UBE3D: variants seen among roughly 807,000 people sequenced by gnomAD.
UBE3D encodes the protein ubiquitin protein ligase E3D.
UBE3D carries 48 observed loss-of-function variants against 49.6 expected under a neutral mutation model. That is an observed-to-expected ratio of 0.97 (90% confidence interval 0.77 to 1.23). The LOEUF is 1.23. UBE3D is among the 50% of genes most tolerant of loss of function. The probability of loss-of-function intolerance (pLI) is 0.00; values close to 1 mark genes in which losing one functional copy is unlikely to be tolerated. For synonymous variants in UBE3D, 189 were observed against 174.2 expected, an observed-to-expected ratio of 1.08 and a Z score of -0.67; for missense variants, 452 against 468.4, an observed-to-expected ratio of 0.96 and a Z score of 0.32.
the UBE3D span, among the ~76,000 whole-genome samples, chr6:82,884,746 A>G: frequency 1.3e-5 from 2 of 152,236 alleles, no homozygotes; most frequent in African/African-American, 4.8e-5. Context: ...ATCCCACAGC[A>G]TAATTCTGAG....
chr6:83,043,306 A>T (rs1425759554), intron 4 of UBE3D, among the ~76,000 whole-genome samples: 1 of 152,010 alleles, frequency 6.6e-6, no homozygotes, highest in Admixed American at 6.6e-5. Context: ...ATGAAATTTA[A>T]AACACATATA....
At chr6:82,927,712 G>A (rs1227323066) in intron 9 of UBE3D, among the ~76,000 whole-genome samples, 2 of 149,288 alleles carry the variant, frequency 1.3e-5, no homozygotes, top group Non-Finnish European at 3.0e-5. Flanking sequence ...TATTAACTTT[G>A]TATCCTACAA....
At chr6:82,969,060 A>G (rs902374275) in intron 8 of UBE3D, among the ~76,000 whole-genome samples, 22 of 152,286 alleles carry the variant, frequency 1.4e-4, no homozygotes, top group African/African-American at 5.3e-4. Flanking sequence ...GTCATTGATT[A>G]ACGCTTTCTT....
intron 9 of UBE3D, among the ~76,000 whole-genome samples, chr6:82,898,326 G>A (rs1771480402): frequency 6.6e-6 from 1 of 152,108 alleles, no homozygotes; most frequent in Admixed American, 6.5e-5. Flanking sequence ...TCCCATTACT[G>A]GGTATATACC....
intron 8 of UBE3D, among the ~76,000 whole-genome samples, chr6:83,010,139 T>G (rs960466496): frequency 6.6e-6 from 1 of 152,012 alleles, no homozygotes; most frequent in East Asian, 1.9e-4. Flanking sequence ...ACTAATTAAA[T>G]CTAAATATTG....
intron 8 of UBE3D, among the ~76,000 whole-genome samples, chr6:82,995,253 T>C (rs558605604): frequency 1.4e-4 from 21 of 152,180 alleles, no homozygotes; most frequent in Non-Finnish European, 2.9e-4. Context: ...TTAACAGGTG[T>C]GTTCATTTGA....
At position 83,038,401 on chromosome 6, in the gene UBE3D, T is replaced by C; in HGVS notation, c.667+15A>G. 6.2e-7 allele frequency: 1 copy of C among 1,607,050 alleles called. No individual in the cohort carries two copies. The highest frequency in any genetic ancestry group is 8.5e-7 in the Non-Finnish European group (1 of 1,177,274). ...AGAAGCCAATCATTTTGGCTTCTTG[T>C]TATGAAATTCTTACCTGATGACACG... is the stretch of plus-strand genomic sequence containing the variant. On this transcript the variant is annotated intron_variant, in intron 5 of 9. Coordinates refer to ENST00000369747, the MANE Select transcript of UBE3D (RefSeq NM_198920.3).
intron 9 of UBE3D, among the ~76,000 whole-genome samples, chr6:82,920,691 C>A (rs1268492497): frequency 6.6e-6 from 1 of 152,164 alleles, no homozygotes; most frequent in Non-Finnish European, 1.5e-5. Flanking sequence ...TATTAAGAAT[C>A]AACCCAAAAT....
chr6:82,931,197 C>G (rs989612954), intron 9 of UBE3D, among the ~76,000 whole-genome samples: 1 of 152,202 alleles, frequency 6.6e-6, no homozygotes, highest in African/African-American at 2.4e-5. Flanking sequence ...CTGAACTTTG[C>G]GAACCTCTGC....
chr6:83,044,404 A>G, intron 4 of UBE3D, 24 bp downstream of exon 4: 2 of 1,607,062 alleles, frequency 1.2e-6, no homozygotes, highest in Non-Finnish European at 1.7e-6. Context: ...CTAAATTACC[A>G]TTTATTTTGA....
chr6:82,995,610 A>T (rs1305520865), intron 8 of UBE3D, among the ~76,000 whole-genome samples: 2 of 152,148 alleles, frequency 1.3e-5, no homozygotes, highest in Non-Finnish European at 2.9e-5. Context: ...ATGTTCAACC[A>T]CACTAGTAAT....
intron 9 of UBE3D, among the ~76,000 whole-genome samples, 158 bp from the exon 10 acceptor site, chr6:82,893,200 C>T (rs41271561): frequency 1.3e-5 from 2 of 152,128 alleles, no homozygotes; most frequent in Admixed American, 6.5e-5. Flanking sequence ...TTTTATTTTA[C>T]AGCAGGAGCC....
At chr6:82,918,177 G>C (rs1582337593) in intron 9 of UBE3D, among the ~76,000 whole-genome samples, 2 of 151,402 alleles carry the variant, frequency 1.3e-5, no homozygotes, top group African/African-American at 4.9e-5. Flanking sequence ...TCAGTTTTTG[G>C]GAATAGTTGT....
chr6:83,020,560 A>T (rs1367102506), intron 7 of UBE3D, among the ~76,000 whole-genome samples: 3 of 152,188 alleles, frequency 2.0e-5, no homozygotes, highest in Non-Finnish European at 4.4e-5. Context: ...AAAAAGAAAA[A>T]TCTAAATATA....
At chr6:83,043,812 T>C (rs1309296845) in intron 4 of UBE3D, among the ~76,000 whole-genome samples, 3 of 152,196 alleles carry the variant, frequency 2.0e-5, no homozygotes, top group African/African-American at 7.2e-5. Context: ...GATTTTCTTT[T>C]AAAATAAAGT....
intron 9 of UBE3D, among the ~76,000 whole-genome samples, chr6:82,952,488 A>C (rs1394983096): frequency 6.6e-6 from 1 of 152,104 alleles, no homozygotes; most frequent in Non-Finnish European, 1.5e-5. Context: ...GCAGTGGCAC[A>C]ATCATGGCTC....
intron 8 of UBE3D, among the ~76,000 whole-genome samples, chr6:82,990,890 G>T (rs939188647): frequency 6.6e-6 from 1 of 152,112 alleles, no homozygotes; most frequent in Non-Finnish European, 1.5e-5. Flanking sequence ...TTTTTTCAAG[G>T]CATGTCTTTG....
intron 9 of UBE3D, among the ~76,000 whole-genome samples, chr6:82,936,613 T>C (rs1774594821): frequency 6.6e-6 from 1 of 152,226 alleles, no homozygotes; most frequent in Non-Finnish European, 1.5e-5. Flanking sequence ...CTTTGGACTA[T>C]ATACCAGACA....
At chr6:82,990,242 T>A (rs1778791230) in intron 8 of UBE3D, among the ~76,000 whole-genome samples, 1 of 152,050 alleles carries the variant, frequency 6.6e-6, no homozygotes, top group African/African-American at 2.4e-5. Flanking sequence ...CAGGAAAAAA[T>A]TAAACTGAAA....
Sources: allele counts gnomAD v4.1 joint callset (sites outside exome capture counted in the v4.1 genomes callset), GRCh38; gene constraint gnomAD v4.1.1; transcripts MANE v1.5; gene names NCBI Gene and HGNC (gene_info 2026-07-23, HGNC 2026-07-21).